Variants in SPOCK3 observed in about 807,000 individuals in gnomAD.
SPOCK3 encodes the protein testican-3.
A neutral mutation model predicts 56.6 loss-of-function variants in SPOCK3; 30 were observed. The observed-to-expected ratio is 0.53, with a 90% CI of 0.40 to 0.72. SPOCK3 has a LOEUF of 0.72. Among genes scored for constraint, SPOCK3 ranks in the 30% least tolerant of loss-of-function variants. SPOCK3 has a pLI of 0.00. For synonymous variants in SPOCK3, 196 were observed against 183.3 expected, an observed-to-expected ratio of 1.07 and a Z score of -0.56; for missense variants, 527 against 530.0, an observed-to-expected ratio of 0.99 and a Z score of 0.06.
chr4:167,069,885 C>T (rs1037747630), intron 2 of SPOCK3, among the ~76,000 whole-genome samples: 31 of 151,966 alleles, frequency 2.0e-4, no homozygotes, highest in Middle Eastern at 3.4e-3. Flanking sequence ...GTATTCCATC[C>T]ATATTTCTCT....
In SPOCK3 at chr4:167,226,516, T is replaced by C. The variant is rs142571275; in HGVS notation, c.189+7469A>G. On this transcript the variant is annotated intron_variant, in intron 2 of 10. Transcript: ENST00000357545. ...ATATTTTCAATAGATATTTAGATGA[T>C]TGAAAGAGCATAACCAGATACCGTA... is the stretch of plus-strand genomic sequence containing the variant. 4.6e-5 allele frequency among the ~76,000 whole-genome samples: 7 copies of C among 152,290 alleles called. No homozygotes were observed. In the East Asian group the frequency reaches 5.8e-4, roughly 13 times the overall value.
At chr4:166,735,980 A>G (rs922688827) in intron 10 of SPOCK3, among the ~76,000 whole-genome samples, 4 of 152,116 alleles carry the variant, frequency 2.6e-5, no homozygotes, top group African/African-American at 4.8e-5. Context: ...ACATCTTAGC[A>G]CTCACTGTGT....
intron 2 of SPOCK3, among the ~76,000 whole-genome samples, chr4:167,205,415 A>AAATATAT (rs1165353243): frequency 1.1e-4 from 5 of 46,120 alleles, no homozygotes; most frequent in East Asian, 9.0e-4. Context: ...ATTATATATT[A>AAATATAT]AATATATAAT....
intron 6 of SPOCK3, among the ~76,000 whole-genome samples, chr4:166,815,190 A>T (rs917050707): frequency 4.6e-5 from 7 of 151,998 alleles, no homozygotes; most frequent in Non-Finnish European, 8.8e-5. Flanking sequence ...GATCTAACTG[A>T]TGTACAGGGA....
intron 6 of SPOCK3, among the ~76,000 whole-genome samples, chr4:166,821,648 C>CA (rs1744948694): frequency 6.6e-6 from 1 of 151,716 alleles, no homozygotes; most frequent in Non-Finnish European, 1.5e-5. Context: ...AGATGAACCT[C>CA]AAAAAAAGTG....
At chr4:166,937,854 C>T (rs1740613149) in intron 4 of SPOCK3, among the ~76,000 whole-genome samples, 1 of 149,976 alleles carries the variant, frequency 6.7e-6, no homozygotes. Context: ...AGCTCCGCCT[C>T]CCGGGTTCAC....
intron 8 of SPOCK3, among the ~76,000 whole-genome samples, chr4:166,752,667 C>T (rs1051453856): frequency 1.3e-5 from 2 of 150,688 alleles, no homozygotes; most frequent in African/African-American, 2.4e-5. Context: ...CTTTTATAAG[C>T]TGGAATATTT....
At chr4:167,005,394 T>C (rs1248869638) in intron 3 of SPOCK3, among the ~76,000 whole-genome samples, 1 of 151,678 alleles carries the variant, frequency 6.6e-6, no homozygotes, top group Non-Finnish European at 1.5e-5. Flanking sequence ...TTGTATTTTT[T>C]AGTAGAGATG....
intron 6 of SPOCK3, among the ~76,000 whole-genome samples, chr4:166,873,120 C>G (rs930494359): frequency 6.6e-6 from 1 of 151,490 alleles, no homozygotes; most frequent in Non-Finnish European, 1.5e-5. Flanking sequence ...CACCACCAGA[C>G]TGGGAATCAA....
At chr4:167,147,811 AGGGTGGGGACT>A (rs1764093942) in intron 2 of SPOCK3, among the ~76,000 whole-genome samples, 1 of 151,980 alleles carries the variant, frequency 6.6e-6, no homozygotes, top group South Asian at 2.1e-4. Flanking sequence ...GCCCGTCCGG[AGGGTGGGGACT>A]GGGGAAGGGA....
intron 4 of SPOCK3, among the ~76,000 whole-genome samples, chr4:166,998,631 T>C (rs1368321795): frequency 6.6e-6 from 1 of 152,148 alleles, no homozygotes; most frequent in Non-Finnish European, 1.5e-5. Context: ...ACAGACATGA[T>C]ATTAACTGCG....
At chr4:166,858,747 C>T (rs1295811114) in intron 6 of SPOCK3, among the ~76,000 whole-genome samples, 2 of 152,122 alleles carry the variant, frequency 1.3e-5, no homozygotes, top group Non-Finnish European at 2.9e-5. Context: ...AGCTGAGGTA[C>T]TACACGAGCA....
rs779611631 is a variant in SPOCK3 at position 167,122,280 on chromosome 4, C to T, written c.190-59743G>A. ...CAAGTAATCCTTCTAGCTCAGCCTGCCAAGTAGCTGGGACAGGCGTGAGCC... is the reference window on the plus strand; with the variant it reads ...CAAGTAATCCTTCTAGCTCAGCCTGTCAAGTAGCTGGGACAGGCGTGAGCC... On this transcript the variant is annotated intron_variant, in intron 2 of 10. Transcript: ENST00000357545. Among the ~76,000 whole-genome samples, 85 of 152,040 alleles carry T rather than the reference C, an allele frequency of 5.6e-4. 1 individual carries two copies. Among genetic ancestry groups the T allele is most frequent in the Middle Eastern group, 6.3e-3 (2 of 316 alleles).
intron 4 of SPOCK3, among the ~76,000 whole-genome samples, chr4:166,919,824 T>C (rs1738289785): frequency 6.6e-6 from 1 of 152,190 alleles, no homozygotes; most frequent in Non-Finnish European, 1.5e-5. Flanking sequence ...TTAAAAGCTA[T>C]GTATAGTTAT....
chr4:166,987,623 A>G (rs976166506), intron 4 of SPOCK3, among the ~76,000 whole-genome samples: 1 of 152,226 alleles, frequency 6.6e-6, no homozygotes, highest in African/African-American at 2.4e-5. Context: ...AATGCAATAG[A>G]AATCTCAAGT....
At chr4:166,894,018 T>C (rs1316506297) in intron 5 of SPOCK3, among the ~76,000 whole-genome samples, 1 of 152,096 alleles carries the variant, frequency 6.6e-6, no homozygotes, top group Non-Finnish European at 1.5e-5. Flanking sequence ...GGATATATCA[T>C]TTGCACAAAA....
chr4:167,071,203 C>A (rs1381873753), intron 2 of SPOCK3, among the ~76,000 whole-genome samples: 1 of 151,786 alleles, frequency 6.6e-6, no homozygotes, highest in African/African-American at 2.4e-5. Context: ...GAGAAAGACA[C>A]AAAGAAATAC....
chr4:166,887,031 T>C (rs1279493409), intron 6 of SPOCK3, among the ~76,000 whole-genome samples: 1 of 152,300 alleles, frequency 6.6e-6, no homozygotes, highest in East Asian at 1.9e-4. Context: ...TGAACACAAA[T>C]GATCTTTATC....
intron 2 of SPOCK3, among the ~76,000 whole-genome samples, chr4:167,148,062 T>C (rs1021079495): frequency 3.3e-5 from 5 of 152,202 alleles, no homozygotes; most frequent in African/African-American, 7.2e-5. Context: ...ACTGGTGATT[T>C]TGAAATTAGG....
Sources: gnomAD v4.1 joint callset for allele counts (sites outside exome capture counted in the v4.1 genomes callset) on GRCh38, gnomAD v4.1.1 for gene constraint, MANE v1.5 for transcripts, NCBI Gene and HGNC (gene_info 2026-07-23, HGNC 2026-07-21) for gene names.